MAP2K4: variants seen among roughly 807,000 people sequenced by gnomAD.
MAP2K4 encodes dual specificity mitogen-activated protein kinase kinase 4.
In MAP2K4, 4 loss-of-function variants were observed where a neutral mutation model predicts 48.5. The ratio of observed to expected loss-of-function variants is 0.08; its 90% confidence interval spans 0.04 to 0.19. The LOEUF is 0.19. Ranked by LOEUF, MAP2K4 falls within the 10% of genes least tolerant of loss-of-function variation. The pLI is 1.00. For synonymous variants in MAP2K4, 166 were observed against 173.1 expected, an observed-to-expected ratio of 0.96 and a Z score of 0.32; for missense variants, 258 against 493.3, an observed-to-expected ratio of 0.52 and a Z score of 4.52.
chr17:12,056,554 T>C (rs1229620829), intron 2 of MAP2K4, among the ~76,000 whole-genome samples: 1 of 152,102 alleles, frequency 6.6e-6, no homozygotes, highest in Non-Finnish European at 1.5e-5. Flanking sequence ...TGGTAATAGG[T>C]AGTTTTACCT....
At chr17:12,120,493 C>T (rs1972651184) in intron 7 of MAP2K4, among the ~76,000 whole-genome samples, 1 of 150,996 alleles carries the variant, frequency 6.6e-6, no homozygotes, top group Non-Finnish European at 1.5e-5. Context: ...AGGAAAAAAA[C>T]TAAAAAAAGT....
intron 2 of MAP2K4, among the ~76,000 whole-genome samples, chr17:12,075,132 G>A (rs1437260848): frequency 6.6e-6 from 1 of 152,156 alleles, no homozygotes; most frequent in Non-Finnish European, 1.5e-5. Flanking sequence ...ATTCAAAATA[G>A]TTTCTTACAA....
intron 4 of MAP2K4, among the ~76,000 whole-genome samples, chr17:12,103,185 A>G (rs1971995839): frequency 6.6e-6 from 1 of 151,154 alleles, no homozygotes; most frequent in African/African-American, 2.4e-5. Flanking sequence ...GACTACAGGC[A>G]TGCACTACCA....
At chr17:12,069,925 ATATATATATATATATATATATATATATG>A (rs1970741729) in intron 2 of MAP2K4, 1 of 98,596 alleles carries the variant, frequency 1.0e-5, no homozygotes, top group Non-Finnish European at 1.9e-5. Context: ...ATATATATAT[ATATATATATATATATATATATATATATG>A]CATGCTGAGG....
In MAP2K4 at chr17:12,081,583, A is replaced by C; in HGVS notation, c.393+53A>C. The stretch of plus-strand genomic sequence containing the variant: ...ACTTTAATCCATTAGGTGAAATTTC[A>C]TGGTGCAGTAATACCACTGTTGTTG... On this transcript the variant is annotated intron_variant, in intron 3 of 10. Coordinates refer to ENST00000353533, the MANE Select transcript of MAP2K4 (RefSeq NM_003010.4). The surrounding 1 kb of genome is among the most constrained non-coding windows in gnomAD (Gnocchi z 4.2). The C allele has an allele frequency of 1.3e-6, 2 of 1,550,808 alleles. No homozygotes were observed. The highest frequency in any genetic ancestry group is 1.4e-5 in the African/African-American group (1 of 73,682).
At chr17:12,119,040 C>T (rs567853809) in intron 7 of MAP2K4, among the ~76,000 whole-genome samples, 7 of 152,254 alleles carry the variant, frequency 4.6e-5, no homozygotes, top group African/African-American at 1.7e-4. Flanking sequence ...ATTAATGAAG[C>T]TTCAGTTTTT....
At chr17:12,042,367 T>C (rs1003861066) in intron 1 of MAP2K4, among the ~76,000 whole-genome samples, 1 of 152,062 alleles carries the variant, frequency 6.6e-6, no homozygotes, top group Non-Finnish European at 1.5e-5. Context: ...GCTTTGAGGG[T>C]AAAGTAATTG....
At chr17:12,075,236 C>T (rs762795164) in intron 2 of MAP2K4, among the ~76,000 whole-genome samples, 3 of 151,986 alleles carry the variant, frequency 2.0e-5, no homozygotes, top group South Asian at 4.1e-4. Context: ...TGGATGGATA[C>T]GCAACAAGAT....
intron 4 of MAP2K4, among the ~76,000 whole-genome samples, chr17:12,096,407 G>A (rs1476020010): frequency 1.3e-5 from 2 of 152,090 alleles, no homozygotes; most frequent in African/African-American, 2.4e-5. Context: ...TGCCTAAAAT[G>A]TGGAAGTGAG....
rs2151599749 is a variant in MAP2K4 at position 12,141,201 on chromosome 17, G to A, written c.1141G>A (p.Val381Ile). ...ACGTGCCGTTGAGGTCGCATGCTAT[G>A]TTTGTAAAATCCTGGATCAAATGCC... ...EERAVEVACY[V>I]CKILDQMPAT... The change falls in exon 11 of 11, where the codon GTT (valine) becomes ATT (isoleucine). Residue 381 changes from valine to isoleucine, a missense_variant. By Grantham distance (29) the Val-to-Ile change is conservative (BLOSUM62 3). This residue lies in a region of MAP2K4 where 57 missense variants were observed against 84.3 expected (regional missense o/e 0.68). Coordinates refer to ENST00000353533, the MANE Select transcript of MAP2K4 (RefSeq NM_003010.4). The A allele has an allele frequency of 2.5e-6, 4 of 1,613,952 alleles. No individual in the cohort carries two copies. Among genetic ancestry groups the A allele is most frequent in the African/African-American group, 1.3e-5 (1 of 75,040 alleles).
chr17:12,088,159 A>G (rs1199490037), intron 3 of MAP2K4, among the ~76,000 whole-genome samples: 2 of 152,042 alleles, frequency 1.3e-5, no homozygotes, highest in African/African-American at 4.8e-5. Flanking sequence ...TAGGGTTCAG[A>G]ATAGTAGGGA....
intron 5 of MAP2K4, among the ~76,000 whole-genome samples, chr17:12,109,053 T>G (rs1023844967): frequency 1.3e-5 from 2 of 152,128 alleles, no homozygotes; most frequent in Non-Finnish European, 2.9e-5. Flanking sequence ...ATTTGTGACA[T>G]TAAATCTTCA....
At chr17:12,139,931 C>T (rs760268238) in intron 10 of MAP2K4, 47 bp downstream of exon 10, 1 of 1,413,728 alleles carries the variant, frequency 7.1e-7, no homozygotes, top group African/African-American at 1.4e-5. Context: ...AACCCCGGAA[C>T]TCTCTTAACA....
At chr17:12,133,432 G>T (rs1296563247) in intron 9 of MAP2K4, among the ~76,000 whole-genome samples, 1 of 152,178 alleles carries the variant, frequency 6.6e-6, no homozygotes, top group East Asian at 1.9e-4. Context: ...TTTGCTTCTA[G>T]ATTGCCTGTT....
intron 1 of MAP2K4, chr17:12,021,323 C>T (rs1969038379): frequency 1.1e-5 from 2 of 175,792 alleles, no homozygotes; most frequent in African/African-American, 2.4e-5. Flanking sequence ...CGCCGCTTAC[C>T]TGGCGCCCGC....
At chr17:12,134,547 AAGAG>A (rs1973142098) in intron 9 of MAP2K4, among the ~76,000 whole-genome samples, 1 of 152,232 alleles carries the variant, frequency 6.6e-6, no homozygotes, top group African/African-American at 2.4e-5. Flanking sequence ...GGTAAATGGT[AAGAG>A]AGAAGAAAAA....
chr17:12,086,822 C>T (rs1971379243), intron 3 of MAP2K4, among the ~76,000 whole-genome samples: 1 of 111,638 alleles, frequency 9.0e-6, no homozygotes, highest in Admixed American at 1.0e-4. Context: ...GGAGAAAAAC[C>T]TGTTTTTTGT....
intron 3 of MAP2K4, among the ~76,000 whole-genome samples, chr17:12,089,391 C>T (rs923577931): frequency 3.3e-5 from 5 of 152,198 alleles, no homozygotes; most frequent in African/African-American, 1.2e-4. Flanking sequence ...GGAAATGATG[C>T]TTTGCCTTGC....
chr17:12,021,068 C>G (rs1046263976), intron 1 of MAP2K4, 67 bp downstream of exon 1: 3 of 971,730 alleles, frequency 3.1e-6, no homozygotes, highest in Non-Finnish European at 4.0e-6. Context: ...CGCGGCCTGC[C>G]CCAGCGGACG....
Sources: allele counts gnomAD v4.1 joint callset (sites outside exome capture counted in the v4.1 genomes callset), GRCh38; gene constraint gnomAD v4.1.1; regional missense constraint gnomAD v4.1.1; non-coding constraint Gnocchi (gnomAD v3.1); transcripts MANE v1.5; gene names NCBI Gene and HGNC (gene_info 2026-07-23, HGNC 2026-07-21).